Variants in FGGY observed in about 807,000 individuals in gnomAD.
FGGY encodes FGGY carbohydrate kinase domain containing.
FGGY carries 72 observed loss-of-function variants against 71.3 expected under a neutral mutation model. The ratio of observed to expected loss-of-function variants is 1.01; its 90% CI spans 0.84 to 1.23. The LOEUF (loss-of-function observed/expected upper bound fraction) is 1.23. Ranked by LOEUF, FGGY falls within the 50% of genes most tolerant of loss-of-function variation. The pLI is 0.00. For missense variants in FGGY, 668 were observed against 682.3 expected, an observed-to-expected ratio of 0.98 and a Z score of 0.23; for synonymous variants, 251 against 250.3, an observed-to-expected ratio of 1.00 and a Z score of -0.02.
At chr1:59,339,613 C>T (rs56264445) in intron 2 of FGGY, among the ~76,000 whole-genome samples, 28,948 of 151,788 alleles carry the variant, frequency 0.19, 3,334 homozygotes, top group East Asian at 0.35. Flanking sequence ...TACAGGCACA[C>T]ACCACCATGC....
At chr1:59,562,044 A>G (rs1001074130) in intron 8 of FGGY, among the ~76,000 whole-genome samples, 2 of 152,162 alleles carry the variant, frequency 1.3e-5, no homozygotes, top group Admixed American at 6.5e-5. Context: ...CTCACACACC[A>G]CTGGTGGGAA....
chr1:59,546,462 T>A (rs2095522220), intron 7 of FGGY, among the ~76,000 whole-genome samples: 1 of 151,718 alleles, frequency 6.6e-6, no homozygotes, highest in Admixed American at 6.6e-5. Context: ...TGTCAAGGTG[T>A]GTAAAATTTC....
chr1:59,447,777 C>T (rs1557955491), intron 5 of FGGY, among the ~76,000 whole-genome samples: 1 of 152,186 alleles, frequency 6.6e-6, no homozygotes, highest in Non-Finnish European at 1.5e-5. Flanking sequence ...CCTCCCCAGC[C>T]ACGTGGAACC....
intron 7 of FGGY, among the ~76,000 whole-genome samples, chr1:59,523,290 T>C (rs1286308275): frequency 6.6e-6 from 1 of 152,240 alleles, no homozygotes; most frequent in Non-Finnish European, 1.5e-5. Flanking sequence ...CAGATAGTGC[T>C]TCACATCCAT....
In FGGY at chr1:59,356,997, T is replaced by C. The variant is rs545012005; in HGVS notation, c.465+10599T>C. On this transcript the variant is annotated intron_variant, in intron 4 of 15. Coordinates refer to ENST00000303721, the MANE Select transcript of FGGY (RefSeq NM_018291.5). ...AATCAGAAAGACTTTCTTTAGAATG[T>C]TTATACCAGGGCCCTGTATATTGGA... 2.0e-5 allele frequency among the ~76,000 whole-genome samples: 3 copies of C among 152,292 alleles called. No individual in the cohort carries two copies. The South Asian group carries it at 6.2e-4, about 32-fold the overall frequency.
intron 6 of FGGY, among the ~76,000 whole-genome samples, chr1:59,461,128 A>G (rs2092169345): frequency 6.6e-6 from 1 of 152,196 alleles, no homozygotes; most frequent in South Asian, 2.1e-4. Context: ...TCTCCGAGCT[A>G]AAGGAGGATA....
intron 14 of FGGY, among the ~76,000 whole-genome samples, chr1:59,708,615 T>A (rs915894267): frequency 6.6e-6 from 1 of 152,128 alleles, no homozygotes; most frequent in South Asian, 2.1e-4. Context: ...TTATGTGAGG[T>A]GGGTAGATAT....
At chr1:59,611,541 G>A (rs1219373897) in intron 9 of FGGY, among the ~76,000 whole-genome samples, 4 of 152,266 alleles carry the variant, frequency 2.6e-5, no homozygotes, top group African/African-American at 7.2e-5. Context: ...AAACCACAAA[G>A]ATGGGGAAAA....
chr1:59,423,134 C>T (rs1354945161), intron 5 of FGGY, among the ~76,000 whole-genome samples: 1 of 152,220 alleles, frequency 6.6e-6, no homozygotes, highest in African/African-American at 2.4e-5. Context: ...ATTGGGCAAG[C>T]TGCCAGAGCT....
At chr1:59,619,207 A>G (rs1182137896) in intron 9 of FGGY, among the ~76,000 whole-genome samples, 1 of 152,054 alleles carries the variant, frequency 6.6e-6, no homozygotes, top group East Asian at 1.9e-4. Flanking sequence ...AGTGCTTACT[A>G]TATTTGAGGT....
At chr1:59,396,850 A>G (rs1045167944) in intron 5 of FGGY, among the ~76,000 whole-genome samples, 19 of 152,196 alleles carry the variant, frequency 1.2e-4, no homozygotes, top group African/African-American at 4.1e-4. Context: ...AGGAAGCTGT[A>G]AGAGATAGAG....
chr1:59,719,207 G>A (rs1428035147), intron 14 of FGGY, among the ~76,000 whole-genome samples: 1 of 152,182 alleles, frequency 6.6e-6, no homozygotes, highest in Non-Finnish European at 1.5e-5. Context: ...GAAGAAGCAG[G>A]AAGACCTCTT....
chr1:59,661,035 G>A (rs1448884751), intron 12 of FGGY, among the ~76,000 whole-genome samples: 1 of 152,174 alleles, frequency 6.6e-6, no homozygotes, highest in Non-Finnish European at 1.5e-5. Context: ...AGTTAATCCA[G>A]TGAGGCTTAG....
intron 7 of FGGY, among the ~76,000 whole-genome samples, chr1:59,515,973 G>T (rs1000394966): frequency 2.0e-5 from 3 of 152,090 alleles, no homozygotes; most frequent in Admixed American, 1.3e-4. Context: ...ATTCTTTAAG[G>T]CCTGAACTTA....
At chr1:59,607,757 C>T (rs755080745) in intron 8 of FGGY, 46 bp from the exon 9 acceptor site, 3 of 1,470,338 alleles carry the variant, frequency 2.0e-6, no homozygotes, top group African/African-American at 2.8e-5. Context: ...CCTTCCCCTA[C>T]CCCTGAGAGT....
chr1:59,355,288 G>A (rs1448262958), intron 4 of FGGY, among the ~76,000 whole-genome samples: 1 of 152,040 alleles, frequency 6.6e-6, no homozygotes, highest in Non-Finnish European at 1.5e-5. Context: ...GTTACATACT[G>A]TAATGTTAAA....
At chr1:59,758,031 T>TGA in intron 15 of FGGY, 39 bp downstream of exon 15, 5 of 1,401,306 alleles carry the variant, frequency 3.6e-6, no homozygotes, top group Non-Finnish European at 5.0e-6. Context: ...GCTAAGGAAG[T>TGA]GAGCACATAC....
chr1:59,514,629 C>T (rs923498464), intron 7 of FGGY, among the ~76,000 whole-genome samples: 5 of 152,082 alleles, frequency 3.3e-5, no homozygotes, highest in African/African-American at 7.2e-5. Context: ...GGGAGGGACC[C>T]AGGGGGAGGT....
intron 8 of FGGY, among the ~76,000 whole-genome samples, chr1:59,586,734 G>C (rs1571684541): frequency 6.6e-6 from 1 of 152,084 alleles, no homozygotes; most frequent in African/African-American, 2.4e-5. Flanking sequence ...TAGAGAGGGG[G>C]ATTTGGGGAA....
Sources: gnomAD v4.1 joint callset for allele counts (sites outside exome capture counted in the v4.1 genomes callset) on GRCh38, gnomAD v4.1.1 for gene constraint, MANE v1.5 for transcripts, NCBI Gene and HGNC (gene_info 2026-07-23, HGNC 2026-07-21) for gene names.